The following DLG2 variants were observed in gnomAD, a reference collection of about 807,000 sequenced individuals.
DLG2 encodes discs large MAGUK scaffold protein 2.
In DLG2, 45 loss-of-function variants were observed where a neutral mutation model predicts 132.5. That is an observed-to-expected ratio of 0.34 (90% confidence interval 0.27 to 0.44). The LOEUF is 0.44. Among genes scored for constraint, DLG2 ranks in the 20% least tolerant of loss-of-function variants. The pLI is 1.00. For missense variants in DLG2, 1,045 were observed against 1,196.9 expected (o/e 0.87, Z 1.87); for synonymous variants, 424 against 419.6 (o/e 1.01, Z -0.13).
intron 6 of DLG2, among the ~76,000 whole-genome samples, chr11:84,859,335 G>C (rs1436635637): frequency 7.3e-6 from 1 of 137,706 alleles, no homozygotes; most frequent in African/African-American, 2.6e-5. Flanking sequence ...ACATATATAG[G>C]TATATATGTA....
At chr11:84,358,572 A>G (rs2098631571) in intron 7 of DLG2, among the ~76,000 whole-genome samples, 1 of 151,764 alleles carries the variant, frequency 6.6e-6, no homozygotes, top group Non-Finnish European at 1.5e-5. Flanking sequence ...TCTCTAGGTT[A>G]TTTGGAAAAA....
At chr11:85,238,124 G>C (rs1199282417) in intron 4 of DLG2, among the ~76,000 whole-genome samples, 1 of 151,426 alleles carries the variant, frequency 6.6e-6, no homozygotes. Flanking sequence ...TTTCTTAATG[G>C]CATGTGGAAA....
chr11:85,601,552 G>T (rs111314807), intron 2 of DLG2, among the ~76,000 whole-genome samples: 6,509 of 152,170 alleles, frequency 0.043, 179 homozygotes, highest in East Asian at 0.093. Context: ...CGTTGGCCAG[G>T]ATGGTCTTGA....
At chr11:83,821,520 A>G (rs1247314455) in intron 17 of DLG2, among the ~76,000 whole-genome samples, 1 of 152,148 alleles carries the variant, frequency 6.6e-6, no homozygotes, top group African/African-American at 2.4e-5. Context: ...GACCATGTTC[A>G]TATCTTATGT....
At chr11:84,603,199 C>T (rs999117266) in intron 6 of DLG2, among the ~76,000 whole-genome samples, 7 of 151,896 alleles carry the variant, frequency 4.6e-5, no homozygotes, top group African/African-American at 1.7e-4. Context: ...GTCCTGAACT[C>T]GTTTATGTAA....
intron 6 of DLG2, among the ~76,000 whole-genome samples, chr11:84,625,585 C>T (rs896672440): frequency 6.6e-6 from 1 of 152,176 alleles, no homozygotes; most frequent in Non-Finnish European, 1.5e-5. Flanking sequence ...AAAAGCCAGA[C>T]CTCATTTCTG....
At chr11:84,084,167 A>C (rs2096941333) in intron 10 of DLG2, among the ~76,000 whole-genome samples, 1 of 152,174 alleles carries the variant, frequency 6.6e-6, no homozygotes. Context: ...TAGGTGTACA[A>C]GTTGTAGTAT....
At chr11:85,569,206 A>G (rs1010825650) in intron 3 of DLG2, among the ~76,000 whole-genome samples, 2 of 151,866 alleles carry the variant, frequency 1.3e-5, no homozygotes, top group African/African-American at 4.8e-5. Context: ...TAATTTTTGT[A>G]TTTTTAGTAG....
intron 18 of DLG2, among the ~76,000 whole-genome samples, chr11:83,741,571 G>A (rs78370221): frequency 0.014 from 2,111 of 151,988 alleles, 58 homozygotes; most frequent in African/African-American, 0.049. Flanking sequence ...CAAAGAAAAC[G>A]GAATACCTAA....
At chr11:84,979,460 T>C (rs937173354) in intron 6 of DLG2, among the ~76,000 whole-genome samples, 8 of 152,158 alleles carry the variant, frequency 5.3e-5, no homozygotes, top group Admixed American at 3.9e-4. Context: ...ATATACACCA[T>C]GGAATACTAT....
rs1232175051 is a variant in DLG2, at chr11:84,964,138, A to G, written c.357+147523T>C. Among the ~76,000 whole-genome samples the G allele has an allele frequency of 2.6e-5, 4 of 152,152 alleles. No homozygotes were observed. The East Asian group carries it at 7.7e-4, about 29-fold the overall frequency. Reference sequence around the variant, plus strand: ...TCATTATTAATTTACGATTCAAAGAAAAGATCAGTGTATAATATATTTGTT... The same window carrying G: ...TCATTATTAATTTACGATTCAAAGAGAAGATCAGTGTATAATATATTTGTT... On this transcript the variant is annotated intron_variant, in intron 6 of 27. Coordinates refer to ENST00000376104, the MANE Select transcript of DLG2 (RefSeq NM_001142699.3).
chr11:83,586,490 A>G (rs1034502459), intron 19 of DLG2, among the ~76,000 whole-genome samples: 4 of 152,208 alleles, frequency 2.6e-5, no homozygotes, highest in African/African-American at 9.7e-5. Context: ...GTGAGGTTGA[A>G]TGAAATAACT....
At chr11:85,351,741 G>A (rs911130200) in intron 3 of DLG2, among the ~76,000 whole-genome samples, 7 of 152,194 alleles carry the variant, frequency 4.6e-5, no homozygotes, top group East Asian at 1.9e-4. Context: ...AACCAGCCTC[G>A]CATCCCAGGG....
chr11:84,449,075 G>T (rs928565762), intron 7 of DLG2, among the ~76,000 whole-genome samples: 6 of 151,950 alleles, frequency 3.9e-5, no homozygotes, highest in African/African-American at 1.4e-4. Flanking sequence ...TGTAACAAGT[G>T]TTCAAAGTGC....
chr11:85,357,240 G>T (rs74755595), intron 3 of DLG2, among the ~76,000 whole-genome samples: 4 of 52,248 alleles, frequency 7.7e-5, no homozygotes, highest in Non-Finnish European at 1.5e-4. Context: ...TATCCTCTTT[G>T]TGTGTGTGTG....
At chr11:85,156,377 G>A (rs2152462582) in intron 4 of DLG2, among the ~76,000 whole-genome samples, 1 of 152,196 alleles carries the variant, frequency 6.6e-6, no homozygotes, top group Non-Finnish European at 1.5e-5. Context: ...TTTGTTTGAT[G>A]AATGAAAAAT....
At chr11:85,249,534 A>G (rs1383595095) in intron 4 of DLG2, among the ~76,000 whole-genome samples, 2 of 152,126 alleles carry the variant, frequency 1.3e-5, no homozygotes, top group Non-Finnish European at 1.5e-5. Context: ...GTTGACCTAT[A>G]TAACAAAGTA....
chr11:85,359,056 A>C (rs1380086768), intron 3 of DLG2, among the ~76,000 whole-genome samples: 1 of 152,222 alleles, frequency 6.6e-6, no homozygotes, highest in African/African-American at 2.4e-5. Context: ...CAAATTATTT[A>C]GTGAAAAGCA....
At chr11:83,839,566 T>C (rs1234617200) in intron 16 of DLG2, among the ~76,000 whole-genome samples, 1 of 152,214 alleles carries the variant, frequency 6.6e-6, no homozygotes, top group Non-Finnish European at 1.5e-5. Flanking sequence ...AGCTAGTCTC[T>C]TTGCTGTAAG....
Sources: allele counts gnomAD v4.1 joint callset (sites outside exome capture counted in the v4.1 genomes callset), GRCh38; gene constraint gnomAD v4.1.1; transcripts MANE v1.5; gene names NCBI Gene and HGNC (gene_info 2026-07-23, HGNC 2026-07-21).